The following PHF14 variants were observed in gnomAD, a reference collection of about 807,000 sequenced individuals.
PHF14 encodes PHD finger protein 14.
PHF14 carries 55 observed loss-of-function variants against 117.9 expected under a neutral mutation model. The observed-to-expected ratio is 0.47, with a 90% confidence interval of 0.38 to 0.58. PHF14 has a LOEUF of 0.58. Ranked by LOEUF, PHF14 falls within the 20% of genes least tolerant of loss-of-function variation. The probability of loss-of-function intolerance (pLI) is 0.00; values close to 1 mark genes in which losing one functional copy is unlikely to be tolerated. For synonymous variants in PHF14, 409 were observed against 368.6 expected, an observed-to-expected ratio of 1.11 and a Z score of -1.26; for missense variants, 978 against 1,122.2, an observed-to-expected ratio of 0.87 and a Z score of 1.84.
chr7:11,117,144 A>G (rs1309652319), intron 17 of PHF14, among the ~76,000 whole-genome samples: 2 of 151,960 alleles, frequency 1.3e-5, no homozygotes, highest in African/African-American at 4.8e-5. Flanking sequence ...GACGCCACTG[A>G]GGATTTAAAT....
chr7:11,019,686 A>C (rs1016862886), intron 5 of PHF14, among the ~76,000 whole-genome samples: 3 of 152,116 alleles, frequency 2.0e-5, no homozygotes, highest in Non-Finnish European at 4.4e-5. Flanking sequence ...TCAAAATACT[A>C]ACATTTTGTT....
intron 16 of PHF14, chr7:11,107,410 T>C: frequency 1.2e-6 from 1 of 833,788 alleles, no homozygotes; most frequent in Admixed American, 6.3e-5. Flanking sequence ...TAAGCTACTT[T>C]GTTATTTACA....
chr7:11,125,924 A>C (rs1312666180), intron 17 of PHF14, among the ~76,000 whole-genome samples: 2 of 152,066 alleles, frequency 1.3e-5, no homozygotes, highest in African/African-American at 4.8e-5. Context: ...CACTGGTTTG[A>C]AAACTCTTTA....
At chr7:11,037,930 A>T (rs557195777) in intron 10 of PHF14, among the ~76,000 whole-genome samples, 1 of 152,324 alleles carries the variant, frequency 6.6e-6, no homozygotes, top group African/African-American at 2.4e-5. Flanking sequence ...TAGTGGAAAT[A>T]CATCTTGAGA....
chr7:11,004,083 A>G (rs1247022800), intron 4 of PHF14, among the ~76,000 whole-genome samples: 1 of 151,856 alleles, frequency 6.6e-6, no homozygotes, highest in Non-Finnish European at 1.5e-5. Context: ...CCCTGTCTCT[A>G]CAAAATACAG....
intron 16 of PHF14, chr7:11,107,365 C>T (rs1051479323): frequency 3.8e-5 from 34 of 896,422 alleles, no homozygotes; most frequent in Non-Finnish European, 4.5e-5. Context: ...TTTATTTGGT[C>T]ACTACATTTT....
At chr7:11,117,764 G>T (rs941000981) in intron 17 of PHF14, among the ~76,000 whole-genome samples, 2 of 151,568 alleles carry the variant, frequency 1.3e-5, no homozygotes, top group Non-Finnish European at 3.0e-5. Context: ...GGTAATATTG[G>T]AAATTGAATG....
intron 13 of PHF14, among the ~76,000 whole-genome samples, chr7:11,044,618 G>A (rs1212826336): frequency 6.6e-6 from 1 of 152,000 alleles, no homozygotes; most frequent in African/African-American, 2.4e-5. Flanking sequence ...CTCAAATGTG[G>A]GAGGCAGTTT....
At chr7:11,008,774 G>T (rs1201395746) in intron 4 of PHF14, among the ~76,000 whole-genome samples, 1 of 151,962 alleles carries the variant, frequency 6.6e-6, no homozygotes, top group African/African-American at 2.4e-5. Flanking sequence ...GGTGGCTCAC[G>T]CCTGTAATCC....
chr7:11,025,073 G>T (rs1387313068), intron 6 of PHF14, among the ~76,000 whole-genome samples: 1 of 152,152 alleles, frequency 6.6e-6, no homozygotes, highest in African/African-American at 2.4e-5. Context: ...GAAGTTGATT[G>T]CAGCCTTCAT....
At chr7:11,107,536 G>T in intron 16 of PHF14, 1 of 884,768 alleles carries the variant, frequency 1.1e-6, no homozygotes, top group Non-Finnish European at 1.4e-6. Flanking sequence ...AATGTGTACA[G>T]TGTTTATTAG....
In PHF14 at chr7:10,990,775, T is replaced by A; in HGVS notation, c.973T>A (p.Cys325Ser). ...KMDHILICCV[C>S]LGDNSEDADE... ...GGACCATATTCTGATTTGCTGTGTT[T>A]GTCTGGGAGATAATAGTGAGGACGC... Residue 325 changes from cysteine (C) to serine (S), a missense_variant, in exon 4 of 18, where the codon TGT becomes AGT. Physicochemically the swap from Cys to Ser is moderately radical, Grantham distance 112. Transcript: ENST00000634607. The A allele has an allele frequency of 6.3e-7, 1 of 1,583,690 alleles. No individual in the cohort carries two copies. The highest frequency in any genetic ancestry group is 1.3e-5 in the African/African-American group (1 of 74,544).
At chr7:11,026,438 A>T (rs1422374759) in intron 6 of PHF14, among the ~76,000 whole-genome samples, 1 of 152,200 alleles carries the variant, frequency 6.6e-6, no homozygotes. Context: ...AGTGGTCTGG[A>T]GCTGAACTTG....
rs1782076928 is a variant in PHF14, at chr7:10,982,544, A to G, written c.285A>G (p.Gln95=). The change falls in exon 3 of 18, where the codon CAA becomes CAG. Residue 95 remains glutamine, a synonymous_variant. Transcript: ENST00000634607. Reference sequence around the variant, plus strand: ...AAGAAGTACTATCATCAGAAAAACAATTAATTAAAATGGAAAAGAAGGAAG... The same window carrying G: ...AAGAAGTACTATCATCAGAAAAACAGTTAATTAAAATGGAAAAGAAGGAAG... ...AEEEVLSSEK[Q]LIKMEKKEEE... The G allele has an allele frequency of 1.4e-5, 21 of 1,521,122 alleles. No individual in the cohort carries two copies. The highest frequency in any genetic ancestry group is 1.8e-5 in the Non-Finnish European group (20 of 1,119,326). 94.2% of individuals were successfully genotyped at this position (1,521,122 alleles called of 1,614,324 possible). A position where few individuals can be genotyped will look rare whatever the true frequency, so the allele number is the denominator to read the frequency against.
chr7:11,008,256 A>C (rs1783195272), intron 4 of PHF14, among the ~76,000 whole-genome samples: 1 of 152,204 alleles, frequency 6.6e-6, no homozygotes, highest in Non-Finnish European at 1.5e-5. Flanking sequence ...AGTGTATGCA[A>C]AAAGATATCC....
At chr7:11,098,156 G>T (rs1235107485) in intron 16 of PHF14, among the ~76,000 whole-genome samples, 3 of 152,070 alleles carry the variant, frequency 2.0e-5, no homozygotes, top group Non-Finnish European at 4.4e-5. Flanking sequence ...CTATCTCAAT[G>T]TATTTACTTC....
At chr7:11,141,897 GCTT>G (rs1788411097) in intron 17 of PHF14, among the ~76,000 whole-genome samples, 1 of 140,346 alleles carries the variant, frequency 7.1e-6, no homozygotes. Context: ...TGAAAATACT[GCTT>G]CTGTGAGAGA....
At chr7:11,122,115 G>A (rs1787773485) in intron 17 of PHF14, among the ~76,000 whole-genome samples, 1 of 151,016 alleles carries the variant, frequency 6.6e-6, no homozygotes, top group Non-Finnish European at 1.5e-5. Context: ...TGGGGTGTTT[G>A]GTTTTCTGTT....
intron 13 of PHF14, among the ~76,000 whole-genome samples, chr7:11,043,548 G>C (rs976024506): frequency 9.9e-5 from 15 of 152,040 alleles, no homozygotes; most frequent in Admixed American, 4.6e-4. Flanking sequence ...CTCTACAAGA[G>C]GTTGTGTGTG....
Sources: allele counts gnomAD v4.1 joint callset (sites outside exome capture counted in the v4.1 genomes callset), GRCh38; gene constraint gnomAD v4.1.1; transcripts MANE v1.5; gene names NCBI Gene and HGNC (gene_info 2026-07-23, HGNC 2026-07-21).